The following MAGI1 variants were observed in gnomAD, a reference collection of about 807,000 sequenced individuals.
The protein encoded by MAGI1 is membrane associated guanylate kinase, WW and PDZ domain containing 1, also known as membrane-associated guanylate kinase, WW and PDZ domain-containing protein 1.
MAGI1 carries 58 observed loss-of-function variants against 139.9 expected under a neutral mutation model. That is an observed-to-expected ratio of 0.41 (90% CI 0.34 to 0.52). The LOEUF (loss-of-function observed/expected upper bound fraction) is 0.52. Ranked by LOEUF, MAGI1 falls within the 20% of genes least tolerant of loss-of-function variation. The pLI is 0.12. For missense variants in MAGI1, 1,874 were observed against 1,901.6 expected, an observed-to-expected ratio of 0.99 and a Z score of 0.27; for synonymous variants, 812 against 737.9, an observed-to-expected ratio of 1.10 and a Z score of -1.63.
chr3:65,473,876 G>C (rs1052955644), intron 4 of MAGI1, among the ~76,000 whole-genome samples: 1 of 152,046 alleles, frequency 6.6e-6, no homozygotes, highest in Non-Finnish European at 1.5e-5. Context: ...AAAGAAAATG[G>C]AAAGTCCAAA....
chr3:65,516,930 G>A (rs548134973), intron 2 of MAGI1, among the ~76,000 whole-genome samples: 5 of 149,580 alleles, frequency 3.3e-5, no homozygotes, highest in South Asian at 2.2e-4. Context: ...GGGTTTCACC[G>A]TTTTAGCCGG....
chr3:65,507,838 T>C (rs1022967393), intron 2 of MAGI1, among the ~76,000 whole-genome samples: 19 of 152,208 alleles, frequency 1.2e-4, no homozygotes, highest in Admixed American at 9.2e-4. Flanking sequence ...AGATGAGTCA[T>C]AGAAATTATT....
chr3:65,980,901 G>A (rs1229316712), intron 1 of MAGI1, among the ~76,000 whole-genome samples: 1 of 152,040 alleles, frequency 6.6e-6, no homozygotes, highest in African/African-American at 2.4e-5. Flanking sequence ...GCTCATGCCT[G>A]TAATCCCAGC....
At chr3:65,620,095 T>A (rs182160050) in intron 2 of MAGI1, 83 of 497,260 alleles carry the variant, frequency 1.7e-4, no homozygotes, top group African/African-American at 1.6e-3. Context: ...TGGGAGAGCA[T>A]GCCAAAATGT....
In MAGI1 at chr3:65,354,891, TTTTC is replaced by T. The variant is rs1355909737; in HGVS notation, c.*1483_*1486del. 1 of 152,482 alleles carries T rather than the reference TTTTC, an allele frequency of 6.6e-6. No individual in the cohort carries two copies. The highest frequency in any genetic ancestry group is 2.4e-5 in the African/African-American group (1 of 41,398). 9.4% of individuals were successfully genotyped at this position (152,482 alleles called of 1,614,324 possible). On this transcript the variant is annotated 3_prime_UTR_variant, in exon 23 of 23. Coordinates refer to ENST00000402939, the MANE Select transcript of MAGI1 (RefSeq NM_001033057.2). ...AATGATTGGCTGGTTTTCTTTTTTTTTTTCTTTTTCCTTTTTTTTTTTCTTACAG... is the reference window on the plus strand; with the variant it reads ...AATGATTGGCTGGTTTTCTTTTTTTTTTTTTCCTTTTTTTTTTTCTTACAG...
At chr3:65,505,469 C>G (rs548142618) in intron 2 of MAGI1, among the ~76,000 whole-genome samples, 1 of 150,930 alleles carries the variant, frequency 6.6e-6, no homozygotes, top group African/African-American at 2.4e-5. Flanking sequence ...AATAGTGAAA[C>G]CTTGTCTCTA....
chr3:65,505,245 A>G (rs1244785034), intron 2 of MAGI1, among the ~76,000 whole-genome samples: 2 of 152,190 alleles, frequency 1.3e-5, no homozygotes, highest in African/African-American at 4.8e-5. Context: ...CAACCAGATA[A>G]TTTTCAAAAG....
At chr3:65,740,070 T>G (rs2035127032) in intron 1 of MAGI1, among the ~76,000 whole-genome samples, 1 of 152,216 alleles carries the variant, frequency 6.6e-6, no homozygotes, top group Non-Finnish European at 1.5e-5. Flanking sequence ...GGAATGGCTT[T>G]CAAGCACTAG....
At chr3:65,702,385 T>C (rs1327526736) in intron 1 of MAGI1, among the ~76,000 whole-genome samples, 1 of 152,150 alleles carries the variant, frequency 6.6e-6, no homozygotes, top group Non-Finnish European at 1.5e-5. Context: ...AATGTTGTAA[T>C]TTATCATGGG....
chr3:65,635,794 T>G (rs2084581501), intron 1 of MAGI1, among the ~76,000 whole-genome samples: 1 of 152,206 alleles, frequency 6.6e-6, no homozygotes, highest in Non-Finnish European at 1.5e-5. Context: ...ATAGATAATC[T>G]GGATTGCAAA....
At chr3:65,819,087 C>T (rs984520966) in intron 1 of MAGI1, among the ~76,000 whole-genome samples, 1 of 152,080 alleles carries the variant, frequency 6.6e-6, no homozygotes, top group African/African-American at 2.4e-5. Flanking sequence ...GAGTTCGAGA[C>T]CAGCTTGGCC....
chr3:65,407,119 AG>A (rs1945400331), intron 12 of MAGI1, among the ~76,000 whole-genome samples: 1 of 152,170 alleles, frequency 6.6e-6, no homozygotes, highest in Non-Finnish European at 1.5e-5. Context: ...TCCTATAAAA[AG>A]ATGGTCGACA....
intron 2 of MAGI1, among the ~76,000 whole-genome samples, chr3:65,506,679 T>A (rs1269974104): frequency 6.6e-6 from 1 of 152,202 alleles, no homozygotes; most frequent in East Asian, 1.9e-4. Flanking sequence ...GCCTACTTAT[T>A]GAAATATAAT....
At chr3:65,834,021 G>A (rs1199712155) in intron 1 of MAGI1, among the ~76,000 whole-genome samples, 1 of 152,182 alleles carries the variant, frequency 6.6e-6, no homozygotes, top group Non-Finnish European at 1.5e-5. Context: ...TACTTCCCTA[G>A]ACACTGGGGA....
rs537668348 is a variant in MAGI1, at chr3:65,565,018, G to A, written c.430+56954C>T. On this transcript the variant is annotated intron_variant, in intron 2 of 22. Transcript: ENST00000402939. ...AGGCCAGCTGAACTGCTGAGATACT[G>A]TGACGATTATTTCATTCTTTCCAAA... is the stretch of plus-strand genomic sequence containing the variant. Among the ~76,000 whole-genome samples, 16 of 152,266 alleles carry A rather than the reference G, an allele frequency of 1.1e-4. No homozygotes were observed. In the South Asian group the frequency reaches 3.1e-3, roughly 30 times the overall value.
At chr3:65,845,324 G>A (rs944359217) in intron 1 of MAGI1, among the ~76,000 whole-genome samples, 6 of 151,938 alleles carry the variant, frequency 3.9e-5, no homozygotes, top group African/African-American at 7.3e-5. Context: ...ATAGAGTGTC[G>A]TGGTTAACAT....
rs140796129 is a variant in MAGI1, at chr3:65,633,915, G to A, written c.314-11827C>T. 7.2e-4 allele frequency among the ~76,000 whole-genome samples: 110 copies of A among 152,256 alleles called. No homozygotes were observed. In the East Asian group the frequency reaches 0.02, roughly 27 times the overall value. Reference sequence around the variant, plus strand: ...AATGCTGAGTGGAATCTAAAGATACGGGTGTCTGTGCCCTTTGAGAATATT... The same window carrying A: ...AATGCTGAGTGGAATCTAAAGATACAGGTGTCTGTGCCCTTTGAGAATATT... On this transcript the variant is annotated intron_variant, in intron 1 of 22. Transcript: ENST00000402939.
intron 9 of MAGI1, among the ~76,000 whole-genome samples, chr3:65,439,578 T>C (rs1490593303): frequency 1.3e-5 from 2 of 152,194 alleles, no homozygotes; most frequent in Non-Finnish European, 2.9e-5. Context: ...AGCTACCAGT[T>C]GCAATGCAAA....
At chr3:65,673,689 G>A (rs2087002306) in intron 1 of MAGI1, among the ~76,000 whole-genome samples, 1 of 152,162 alleles carries the variant, frequency 6.6e-6, no homozygotes, top group Admixed American at 6.5e-5. Flanking sequence ...ACAGTCATTT[G>A]GATCTTCAGA....
Sources: gnomAD v4.1 joint callset for allele counts (sites outside exome capture counted in the v4.1 genomes callset) on GRCh38, gnomAD v4.1.1 for gene constraint, MANE v1.5 for transcripts, NCBI Gene and HGNC (gene_info 2026-07-23, HGNC 2026-07-21) for gene names.